Variants in DYNC1LI2 observed in about 807,000 individuals in gnomAD.
DYNC1LI2 encodes cytoplasmic dynein 1 light intermediate chain 2.
DYNC1LI2 carries 19 observed loss-of-function variants against 57.8 expected under a neutral mutation model. The observed-to-expected ratio is 0.33, with a 90% CI of 0.23 to 0.48. The LOEUF is 0.48. DYNC1LI2 is among the 20% of genes least tolerant of loss of function. The pLI is 0.99. For missense variants in DYNC1LI2, 470 were observed against 604.2 expected, an observed-to-expected ratio of 0.78 and a Z score of 2.33; for synonymous variants, 256 against 233.4, an observed-to-expected ratio of 1.10 and a Z score of -0.88.
intron 8 of DYNC1LI2, 69 bp from the exon 9 acceptor site, chr16:66,729,168 C>G (rs544414652): frequency 1.2e-5 from 19 of 1,564,626 alleles, no homozygotes; most frequent in Non-Finnish European, 1.6e-5. Context: ...AACTTCATGC[C>G]GAAAGGAGAG....
At chr16:66,728,007 T>C in intron 10 of DYNC1LI2, 194 bp downstream of exon 10, 1 of 894,998 alleles carries the variant, frequency 1.1e-6, no homozygotes, top group East Asian at 2.7e-5. Context: ...TCACTCTAAT[T>C]CCCAGAGTTG....
In DYNC1LI2 at chr16:66,721,031, G is replaced by C. The variant is rs1007845709; in HGVS notation, c.*2691C>G. On this transcript the variant is annotated 3_prime_UTR_variant, in exon 13 of 13. Transcript: ENST00000258198. ...CACCCCTGGACTAAGGCTGGTGGGG[G>C]ATAATCTGCAGTCTTACTTTTAAGT... is the stretch of plus-strand genomic sequence containing the variant. 2.6e-5 allele frequency: 4 copies of C among 152,620 alleles called. No homozygotes were observed. Among genetic ancestry groups the C allele is most frequent in the African/African-American group, 9.7e-5 (4 of 41,448 alleles). 9.5% of individuals were successfully genotyped at this position (152,620 alleles called of 1,614,324 possible).
chr16:66,725,067 G>A (rs1414359901), intron 12 of DYNC1LI2, among the ~76,000 whole-genome samples: 2 of 151,824 alleles, frequency 1.3e-5, no homozygotes, highest in South Asian at 2.1e-4. Context: ...CCAGCTACTC[G>A]GGAGGCTGAG....
intron 5 of DYNC1LI2, 80 bp from the exon 6 acceptor site, chr16:66,734,391 G>A: frequency 1.5e-6 from 2 of 1,366,460 alleles, no homozygotes; most frequent in Admixed American, 2.0e-5. Flanking sequence ...CAGAAATAAA[G>A]TATTGTGGCT....
rs1012093888 is a variant in DYNC1LI2, at chr16:66,751,434, G to T, written c.107+51C>A. The T allele has an allele frequency of 2.5e-6, 4 of 1,579,500 alleles. No homozygotes were observed. Among genetic ancestry groups the T allele is most frequent in the African/African-American group, 1.4e-5 (1 of 70,670 alleles). On this transcript the variant is annotated intron_variant, in intron 1 of 12. Coordinates refer to ENST00000258198, the MANE Select transcript of DYNC1LI2 (RefSeq NM_006141.3). This position sits in a 1 kb window ranked among gnomAD's most constrained non-coding sequence, Gnocchi z 5.2. ...GGCCCCTCAGTGTGTCCGACGGTCC[G>T]GCCCAGAGGCCGCGCCCCCCACGGC...
Position 66,751,382 on chromosome 16 carries a change from C to T in DYNC1LI2, c.108-36G>A, listed in dbSNP as rs1302731243. 5.0e-6 allele frequency: 8 copies of T among 1,605,434 alleles called. No homozygotes were observed. Among genetic ancestry groups the T allele is most frequent in the African/African-American group, 4.1e-5 (3 of 73,418 alleles). ...AATGGCAAGAGTGGTCAGCCCCGGG[C>T]CGGGCTGGGATGGCCCGGCTCGCGT... is the stretch of plus-strand genomic sequence containing the variant. On this transcript the variant is annotated intron_variant, in intron 1 of 12. Transcript: ENST00000258198. This position sits in a 1 kb window ranked among gnomAD's most constrained non-coding sequence, Gnocchi z 5.2.
chr16:66,741,323 G>C (rs760457282), intron 4 of DYNC1LI2, among the ~76,000 whole-genome samples: 2 of 152,180 alleles, frequency 1.3e-5, no homozygotes, highest in Non-Finnish European at 2.9e-5. Context: ...GGAAAAAAGA[G>C]GCATTATCTA....
chr16:66,732,555 T>TA (rs1372144506), intron 6 of DYNC1LI2, 81 bp from the exon 7 acceptor site: 1 of 1,459,728 alleles, frequency 6.9e-7, no homozygotes, highest in Non-Finnish European at 9.1e-7. Flanking sequence ...GTACTACTCA[T>TA]AGGTTGATCA....
Position 66,721,320 on chromosome 16 carries a change from G to A in DYNC1LI2, c.*2402C>T, listed in dbSNP as rs560199541. 4 of 152,338 alleles carry A rather than the reference G, an allele frequency of 2.6e-5. No homozygotes were observed. In the South Asian group the frequency reaches 8.3e-4, roughly 32 times the overall value. The allele number at this position is 152,338 out of a possible 1,614,324, so 9.4% of individuals were successfully genotyped here. ...ATCTTCAGCCACGTATTCAAAGGTG[G>A]GCTTTTCTCTGATTTTTTTTTTTAT... On this transcript the variant is annotated 3_prime_UTR_variant, in exon 13 of 13. Transcript: ENST00000258198.
chr16:66,748,761 T>G (rs1164808278), intron 3 of DYNC1LI2, among the ~76,000 whole-genome samples: 1 of 152,146 alleles, frequency 6.6e-6, no homozygotes, highest in Non-Finnish European at 1.5e-5. Flanking sequence ...ACAAAGAGAT[T>G]CAGGAAACTC....
chr16:66,750,025 G>C (rs1237018224), intron 2 of DYNC1LI2, among the ~76,000 whole-genome samples: 3 of 152,176 alleles, frequency 2.0e-5, no homozygotes, highest in East Asian at 1.9e-4. Flanking sequence ...CATGAGAATT[G>C]AAAGGCAGTC....
Position 66,751,229 on chromosome 16 carries a change from C to T in DYNC1LI2, c.181+44G>A. The T allele has an allele frequency of 6.3e-7, 1 of 1,595,378 alleles. No individual in the cohort carries two copies. The highest frequency in any genetic ancestry group is 8.5e-7 in the Non-Finnish European group (1 of 1,171,070). ...ACCTGAGGGAGGGGCGCCCGCCTCG[C>T]CCACCCCAGCGACCTGGGGCAACGC... On this transcript the variant is annotated intron_variant, in intron 2 of 12. Coordinates refer to ENST00000258198, the MANE Select transcript of DYNC1LI2 (RefSeq NM_006141.3). This position sits in a 1 kb window ranked among gnomAD's most constrained non-coding sequence, Gnocchi z 5.2.
chr16:66,730,045 T>A (rs2017607512), intron 8 of DYNC1LI2, 67 bp downstream of exon 8: 1 of 1,409,910 alleles, frequency 7.1e-7, no homozygotes, highest in South Asian at 1.3e-5. Context: ...CCTCCCAAAG[T>A]GCTGGGATTA....
chr16:66,751,397 C>T lies in DYNC1LI2; in HGVS notation c.108-51G>A. 3.8e-6 allele frequency: 6 copies of T among 1,598,548 alleles called. No individual in the cohort carries two copies. The highest frequency in any genetic ancestry group is 3.4e-6 in the Non-Finnish European group (4 of 1,174,096). On this transcript the variant is annotated intron_variant, in intron 1 of 12. Transcript: ENST00000258198. This position sits in a 1 kb window ranked among gnomAD's most constrained non-coding sequence, Gnocchi z 5.2. Reference sequence around the variant, plus strand: ...CAGCCCCGGGCCGGGCTGGGATGGCCCGGCTCGCGTCGGCCCCTCAGTGTG... The same window carrying T: ...CAGCCCCGGGCCGGGCTGGGATGGCTCGGCTCGCGTCGGCCCCTCAGTGTG...
intron 12 of DYNC1LI2, 128 bp from the exon 13 acceptor site, chr16:66,723,950 G>GGAAA: frequency 1.3e-6 from 1 of 778,522 alleles, no homozygotes. Flanking sequence ...ATAAGAATGA[G>GGAAA]GAAAGCCCTT....
chr16:66,725,662 G>T (rs554532277), intron 12 of DYNC1LI2, among the ~76,000 whole-genome samples, 166 bp downstream of exon 12: 125 of 152,290 alleles, frequency 8.2e-4, no homozygotes, highest in African/African-American at 2.9e-3. Flanking sequence ...ATGGTAGTAA[G>T]GCAATCCCAC....
chr16:66,741,929 T>C (rs2017846175), intron 4 of DYNC1LI2, among the ~76,000 whole-genome samples: 1 of 145,816 alleles, frequency 6.9e-6, no homozygotes, highest in African/African-American at 2.5e-5. Flanking sequence ...AAGACCCTCC[T>C]ATTTCTAACT....
At chr16:66,729,234 A>C (rs2017590941) in intron 8 of DYNC1LI2, 135 bp from the exon 9 acceptor site, 1 of 989,180 alleles carries the variant, frequency 1.0e-6, no homozygotes. Context: ...ACTGCAGAGT[A>C]ATATTTTTCT....
At chr16:66,737,200 T>C (rs926326341) in intron 4 of DYNC1LI2, among the ~76,000 whole-genome samples, 7 of 152,094 alleles carry the variant, frequency 4.6e-5, no homozygotes, top group Non-Finnish European at 1.0e-4. Flanking sequence ...CGCCTAAACC[T>C]GGGAGGTGGA....
Sources: gnomAD v4.1 joint callset for allele counts (sites outside exome capture counted in the v4.1 genomes callset) on GRCh38, gnomAD v4.1.1 for gene constraint, Gnocchi (gnomAD v3.1) non-coding constraint, MANE v1.5 for transcripts, NCBI Gene and HGNC (gene_info 2026-07-23, HGNC 2026-07-21) for gene names.